The following PRLR variants were observed in gnomAD, a reference collection of about 807,000 sequenced individuals.
PRLR encodes prolactin receptor.
Under a neutral mutation model 40.2 loss-of-function variants are expected in PRLR, and 13 were observed. The ratio of observed to expected loss-of-function variants is 0.32; its 90% CI spans 0.21 to 0.51. The LOEUF (loss-of-function observed/expected upper bound fraction) is 0.51. Among genes scored for constraint, PRLR ranks in the 20% least tolerant of loss-of-function variants. The pLI is 0.97. For synonymous variants in PRLR, 269 were observed against 278.7 expected (o/e 0.97, Z 0.35); for missense variants, 656 against 747.3 (o/e 0.88, Z 1.42).
intron 2 of PRLR, among the ~76,000 whole-genome samples, chr5:35,091,451 T>C (rs1354128801): frequency 6.6e-6 from 1 of 152,200 alleles, no homozygotes; most frequent in Non-Finnish European, 1.5e-5. Flanking sequence ...CGTGAGCAGC[T>C]ACAGGTTTTA....
intron 1 of PRLR, among the ~76,000 whole-genome samples, chr5:35,164,709 G>A (rs1774770122): frequency 6.6e-6 from 1 of 152,146 alleles, no homozygotes; most frequent in South Asian, 2.1e-4. Flanking sequence ...TGGCAACTGT[G>A]TGTACAATGA....
At chr5:35,145,202 G>A (rs1268501759) in intron 1 of PRLR, among the ~76,000 whole-genome samples, 3 of 152,152 alleles carry the variant, frequency 2.0e-5, no homozygotes, top group African/African-American at 7.2e-5. Context: ...CCTTCTGACT[G>A]CACAGAAATA....
chr5:35,108,156 T>G (rs13158610), intron 2 of PRLR, among the ~76,000 whole-genome samples: 8,306 of 152,136 alleles, frequency 0.055, 528 homozygotes, highest in East Asian at 0.18. Flanking sequence ...CAGAAAAGCC[T>G]TCAACAAAAT....
At chr5:35,162,272 G>GTAA (rs1774695758) in intron 1 of PRLR, among the ~76,000 whole-genome samples, 1 of 152,152 alleles carries the variant, frequency 6.6e-6, no homozygotes, top group African/African-American at 2.4e-5. Flanking sequence ...ACTTCAATGT[G>GTAA]ATTTCACCTT....
At chr5:35,073,592 A>G (rs1204018960) in intron 5 of PRLR, among the ~76,000 whole-genome samples, 1 of 152,232 alleles carries the variant, frequency 6.6e-6, no homozygotes, top group African/African-American at 2.4e-5. Flanking sequence ...AAGGTCACAT[A>G]TTTGGTAAAA....
chr5:35,090,414 C>T (rs1329395995), intron 2 of PRLR, among the ~76,000 whole-genome samples: 1 of 151,986 alleles, frequency 6.6e-6, no homozygotes, highest in East Asian at 1.9e-4. Flanking sequence ...CGTTCAAAGC[C>T]TCTAAATGGC....
intron 1 of PRLR, among the ~76,000 whole-genome samples, chr5:35,218,362 T>C (rs1321067599): frequency 2.6e-5 from 4 of 152,180 alleles, no homozygotes; most frequent in African/African-American, 7.2e-5. Flanking sequence ...AATTACCCTA[T>C]GGAAACTGGA....
intron 1 of PRLR, among the ~76,000 whole-genome samples, chr5:35,130,697 C>T (rs908481954): frequency 2.0e-5 from 3 of 152,164 alleles, no homozygotes; most frequent in African/African-American, 7.2e-5. Flanking sequence ...GAATTGCATC[C>T]TCCCGAAAGA....
intron 2 of PRLR, among the ~76,000 whole-genome samples, chr5:35,090,086 G>T (rs1299617374): frequency 6.6e-6 from 1 of 152,154 alleles, no homozygotes; most frequent in East Asian, 1.9e-4. Context: ...AGGCTGAAAA[G>T]TCAGTACCCT....
chr5:35,164,626 G>A (rs2111918591), intron 1 of PRLR, among the ~76,000 whole-genome samples: 1 of 152,292 alleles, frequency 6.6e-6, no homozygotes, highest in East Asian at 1.9e-4. Context: ...GTCTACAAGT[G>A]TGGATTTTCT....
At chr5:35,102,838 C>T (rs534402426) in intron 2 of PRLR, among the ~76,000 whole-genome samples, 19 of 152,176 alleles carry the variant, frequency 1.2e-4, no homozygotes, top group African/African-American at 2.4e-4. Context: ...CTGCCACGCC[C>T]GGCTTTTTTC....
intron 1 of PRLR, among the ~76,000 whole-genome samples, chr5:35,132,135 T>C (rs1199492110): frequency 1.3e-5 from 2 of 152,194 alleles, no homozygotes; most frequent in Non-Finnish European, 2.9e-5. Context: ...GGTTTCTATT[T>C]TATTCAGGGG....
At chr5:35,101,033 G>T (rs1012038846) in intron 2 of PRLR, among the ~76,000 whole-genome samples, 1 of 152,154 alleles carries the variant, frequency 6.6e-6, no homozygotes, top group Admixed American at 6.5e-5. Context: ...TACTGCAGAT[G>T]GTAACTACTA....
At chr5:35,212,041 T>C (rs891481162) in intron 1 of PRLR, among the ~76,000 whole-genome samples, 1 of 152,192 alleles carries the variant, frequency 6.6e-6, no homozygotes, top group African/African-American at 2.4e-5. Flanking sequence ...ATATTTACTA[T>C]CTGGCTCTTT....
chr5:35,160,495 G>A (rs1325213651), intron 1 of PRLR, among the ~76,000 whole-genome samples: 1 of 152,132 alleles, frequency 6.6e-6, no homozygotes, highest in Non-Finnish European at 1.5e-5. Flanking sequence ...TGGTTTAAAT[G>A]ATAATAGCCC....
chr5:35,109,829 A>T (rs1183184215), intron 2 of PRLR, among the ~76,000 whole-genome samples: 1 of 152,218 alleles, frequency 6.6e-6, no homozygotes, highest in African/African-American at 2.4e-5. Context: ...AGGATCTAGA[A>T]CTGGAAATAC....
chr5:35,107,704 T>A (rs1428982693), intron 2 of PRLR, among the ~76,000 whole-genome samples: 1 of 152,028 alleles, frequency 6.6e-6, no homozygotes, highest in East Asian at 1.9e-4. Context: ...AATAGACCAA[T>A]AACAGGCTCT....
chr5:35,077,443 A>C (rs1233392345), intron 5 of PRLR, among the ~76,000 whole-genome samples: 1 of 152,218 alleles, frequency 6.6e-6, no homozygotes, highest in East Asian at 1.9e-4. Context: ...AACAAAGATC[A>C]AAAGAGACAA....
intron 5 of PRLR, among the ~76,000 whole-genome samples, chr5:35,080,875 G>A (rs546883474): frequency 1.3e-5 from 2 of 152,222 alleles, no homozygotes; most frequent in Admixed American, 6.5e-5. Flanking sequence ...AAATGGATGA[G>A]TTCATGTCTT....
Sources: gnomAD v4.1 joint callset for allele counts (sites outside exome capture counted in the v4.1 genomes callset) on GRCh38, gnomAD v4.1.1 for gene constraint, MANE v1.5 for transcripts, NCBI Gene and HGNC (gene_info 2026-07-23, HGNC 2026-07-21) for gene names.